The following ABCC9 variants were observed in gnomAD, a reference collection of about 807,000 sequenced individuals.
ABCC9 encodes the protein ATP-binding cassette sub-family C member 9.
A neutral mutation model predicts 188.3 loss-of-function variants in ABCC9; 95 were observed. The observed-to-expected ratio is 0.50, with a 90% CI of 0.43 to 0.60. The LOEUF is 0.60. Ranked by LOEUF, ABCC9 falls within the 20% of genes least tolerant of loss-of-function variation. The probability of loss-of-function intolerance (pLI) is 0.00; values close to 1 mark genes in which losing one functional copy is unlikely to be tolerated. For synonymous variants in ABCC9, 659 were observed against 652.7 expected (o/e 1.01, Z -0.15); for missense variants, 1,102 against 1,876.3 (o/e 0.59, Z 7.62).
Position 21,842,370 on chromosome 12 carries a change from G to T in ABCC9, c.3417C>A (p.Leu1139=), listed in dbSNP as rs1489712694. ...AATAAAAGGCAACACCAAGGGGCAGGAGAGCAACCAGGAACACAGGAGTAG... is the reference window on the plus strand; with the variant it reads ...AATAAAAGGCAACACCAAGGGGCAGTAGAGCAACCAGGAACACAGGAGTAG... The part of the protein sequence containing the change: ...SYATPVFLVA[L]LPLGVAFYFI... Residue 1139 remains leucine, a synonymous_variant, in exon 29 of 40, where the codon CTC becomes CTA. Transcript: ENST00000261200. 1 of 1,614,164 alleles carries T rather than the reference G, an allele frequency of 6.2e-7. No individual in the cohort carries two copies. The highest frequency in any genetic ancestry group is 8.5e-7 in the Non-Finnish European group (1 of 1,180,016).
chr12:21,861,771 G>A lies in ABCC9; in HGVS notation c.2340-716C>T, dbSNP rs1945517676. Among the ~76,000 whole-genome samples the A allele has an allele frequency of 2.0e-5, 3 of 152,130 alleles. No homozygotes were observed. In the South Asian group the frequency reaches 6.2e-4, roughly 32 times the overall value. On this transcript the variant is annotated intron_variant, in intron 20 of 39. Coordinates refer to ENST00000261200, the MANE Select transcript of ABCC9 (RefSeq NM_020297.4). ...GAGTAACGAAGTTTAAGGAACTTGA[G>A]AAAGTAAAAAAGTTCATGATGAATG...
intron 22 of ABCC9, 130 bp from the exon 23 acceptor site, chr12:21,852,635 G>C (rs891247642): frequency 5.1e-6 from 6 of 1,165,928 alleles, no homozygotes; most frequent in Non-Finnish European, 6.1e-6. Context: ...TTAAAAAAAG[G>C]ATAAAGAAAA....
chr12:21,833,926 T>G (rs1423505737), intron 30 of ABCC9, among the ~76,000 whole-genome samples: 1 of 152,164 alleles, frequency 6.6e-6, no homozygotes, highest in Non-Finnish European at 1.5e-5. Context: ...AACGCAATAG[T>G]AAAAAAGCTC....
At chr12:21,805,296 T>C in intron 39 of ABCC9, 1 of 1,613,876 alleles carries the variant, frequency 6.2e-7, no homozygotes, top group Non-Finnish European at 8.5e-7. Flanking sequence ...GCATCCATAA[T>C]AGAAGAGACA....
chr12:21,837,415 G>A (rs182723725), intron 30 of ABCC9, among the ~76,000 whole-genome samples: 4 of 152,134 alleles, frequency 2.6e-5, no homozygotes, highest in African/African-American at 7.2e-5. Context: ...ATATACTTGC[G>A]ATTAGGATTT....
chr12:21,923,848 G>A (rs1395841001), intron 5 of ABCC9: 5 of 699,616 alleles, frequency 7.1e-6, no homozygotes, highest in Admixed American at 2.0e-5. Flanking sequence ...CTCTCATGAT[G>A]GCTAAAACCT....
At chr12:21,939,320 T>C (rs77205779) in intron 2 of ABCC9, among the ~76,000 whole-genome samples, 4,342 of 152,156 alleles carry the variant, frequency 0.029, 212 homozygotes, top group African/African-American at 0.099. Context: ...TTATCCAACA[T>C]CCAGAGTCCA....
chr12:21,848,257 C>G lies in ABCC9; in HGVS notation c.2770-11G>C. On this transcript the variant is annotated splice_polypyrimidine_tract_variant and intron_variant, in intron 24 of 39. Coordinates refer to ENST00000261200, the MANE Select transcript of ABCC9 (RefSeq NM_020297.4). ...GTCAGCTTCCATATCCTGCAGTAAACATTGTACTATCATGCAAGGAGCTAA... is the reference window on the plus strand; with the variant it reads ...GTCAGCTTCCATATCCTGCAGTAAAGATTGTACTATCATGCAAGGAGCTAA... 1 of 1,609,614 alleles carries G rather than the reference C, an allele frequency of 6.2e-7. No individual in the cohort carries two copies. Among genetic ancestry groups the G allele is most frequent in the Non-Finnish European group, 8.5e-7 (1 of 1,176,210 alleles).
chr12:21,864,381 T>G, intron 19 of ABCC9, 58 bp downstream of exon 19: 1 of 1,223,266 alleles, frequency 8.2e-7, no homozygotes, highest in Non-Finnish European at 1.2e-6. Context: ...ATTAAAGAGA[T>G]TAAAGTCTGA....
chr12:21,870,377 C>G (rs926311314), intron 18 of ABCC9, among the ~76,000 whole-genome samples: 9 of 151,982 alleles, frequency 5.9e-5, no homozygotes, highest in Non-Finnish European at 1.3e-4. Flanking sequence ...CTGCCTCAGT[C>G]TCTCAAGTAA....
chr12:21,859,501 A>T, intron 22 of ABCC9, 85 bp downstream of exon 22: 4 of 1,303,962 alleles, frequency 3.1e-6, no homozygotes, highest in Non-Finnish European at 4.5e-6. Flanking sequence ...TCTTTCCTTG[A>T]GTTACTTGAC....
intron 26 of ABCC9, 87 bp from the exon 27 acceptor site, chr12:21,845,002 GATTGTTTTCTTC>G (rs1425460427): frequency 2.0e-6 from 3 of 1,495,452 alleles, no homozygotes; most frequent in Non-Finnish European, 2.8e-6. Flanking sequence ...TGTCAGACAA[GATTGTTTTCTTC>G]ATTATTTTGC....
intron 15 of ABCC9, among the ~76,000 whole-genome samples, chr12:21,886,654 A>G (rs1592149975): frequency 6.6e-6 from 1 of 152,134 alleles, no homozygotes; most frequent in South Asian, 2.1e-4. Flanking sequence ...AAACCTTCCA[A>G]TAATTTCCTA....
At chr12:21,834,241 A>G (rs1943946394) in intron 30 of ABCC9, among the ~76,000 whole-genome samples, 1 of 151,994 alleles carries the variant, frequency 6.6e-6, no homozygotes, top group South Asian at 2.1e-4. Flanking sequence ...CACTATCCTG[A>G]TTTTTTGCCT....
intron 34 of ABCC9, among the ~76,000 whole-genome samples, chr12:21,815,287 T>C (rs75609175): frequency 1.7e-5 from 2 of 115,448 alleles, no homozygotes; most frequent in African/African-American, 9.4e-5. Context: ...TTCTTCATGG[T>C]TTTTTTTTTT....
In ABCC9 at chr12:21,828,949, T is replaced by A; in HGVS notation, c.3669+9A>T. 10 of 1,610,454 alleles carry A rather than the reference T, an allele frequency of 6.2e-6. No homozygotes were observed. The highest frequency in any genetic ancestry group is 8.5e-6 in the Non-Finnish European group (10 of 1,176,648). ...TGGTTTCCATTTCGAAATCATGAAATGAACGTACCGTCCTGACCTCCAGCC... is the reference window on the plus strand; with the variant it reads ...TGGTTTCCATTTCGAAATCATGAAAAGAACGTACCGTCCTGACCTCCAGCC... On this transcript the variant is annotated intron_variant, in intron 31 of 39. Transcript: ENST00000261200.
At chr12:21,827,847 T>A (rs1449683753) in intron 31 of ABCC9, among the ~76,000 whole-genome samples, 1 of 152,210 alleles carries the variant, frequency 6.6e-6, no homozygotes, top group Non-Finnish European at 1.5e-5. Flanking sequence ...CTAATATAGT[T>A]GAGGAGAATC....
At position 21,927,312 on chromosome 12, in the gene ABCC9, G is replaced by A. The variant is rs199656115; in HGVS notation, c.285-1249C>T. On this transcript the variant is annotated intron_variant, in intron 4 of 39. Coordinates refer to ENST00000261200, the MANE Select transcript of ABCC9 (RefSeq NM_020297.4). ...CGGTATGATCAGATTTGTTTTAAAC[G>A]GATAGCTCTAGCAGTCATGTGGATA... is the stretch of plus-strand genomic sequence containing the variant. Among the ~76,000 whole-genome samples, 9 of 152,206 alleles carry A rather than the reference G, an allele frequency of 5.9e-5. No homozygotes were observed. In the East Asian group the frequency reaches 1.5e-3, roughly 26 times the overall value.
intron 17 of ABCC9, among the ~76,000 whole-genome samples, chr12:21,874,290 T>C (rs2137592134): frequency 6.6e-6 from 1 of 152,040 alleles, no homozygotes; most frequent in African/African-American, 2.4e-5. Flanking sequence ...GAAATGCAAA[T>C]CAAAACCATA....
Sources: allele counts gnomAD v4.1 joint callset (sites outside exome capture counted in the v4.1 genomes callset), GRCh38; gene constraint gnomAD v4.1.1; transcripts MANE v1.5; gene names NCBI Gene and HGNC (gene_info 2026-07-23, HGNC 2026-07-21).